Variants in ITPR2 observed in about 807,000 individuals in gnomAD.
ITPR2 encodes the protein inositol 1,4,5-trisphosphate-gated calcium channel ITPR2.
A neutral mutation model predicts 317.1 loss-of-function variants in ITPR2; 207 were observed. The observed-to-expected ratio is 0.65, with a 90% CI of 0.58 to 0.73. The LOEUF (loss-of-function observed/expected upper bound fraction) is 0.73, where lower values mean the gene tolerates loss of function less well. Ranked by LOEUF, ITPR2 falls within the 30% of genes least tolerant of loss-of-function variation. The pLI, the probability that ITPR2 is intolerant of heterozygous loss-of-function variation, is 0.00. For synonymous variants in ITPR2, 1,156 were observed against 1,149.1 expected, an observed-to-expected ratio of 1.01 and a Z score of -0.12; for missense variants, 2,613 against 3,284.0, an observed-to-expected ratio of 0.80 and a Z score of 4.99.
chr12:26,597,232 C>T (rs368791087), intron 30 of ITPR2, 98 bp from the exon 31 acceptor site: 9 of 1,288,130 alleles, frequency 7.0e-6, no homozygotes, highest in East Asian at 2.3e-5. Flanking sequence ...TATATCTCTT[C>T]GTAAAAACAT....
Position 26,715,776 on chromosome 12 carries a change from G to C in ITPR2, c.684C>G (p.Ser228=), listed in dbSNP as rs370340968. Residue 228 remains serine (S), a synonymous_variant, in exon 7 of 57, where the codon TCC becomes TCG. Coordinates refer to ENST00000381340, the MANE Select transcript of ITPR2 (RefSeq NM_002223.4). ...WKITLFMKYS[S]YREDVLKGGD... is the part of the protein sequence containing the mutation. ...CTCCTTTTAATACATCCTCTCGATA[G>C]GAACTATATTTCATGAATAAAGTGA... 3.1e-6 allele frequency: 5 copies of C among 1,606,514 alleles called. No homozygotes were observed. The African/African-American group carries it at 6.7e-5, about 22-fold the overall frequency.
chr12:26,633,016 G>T (rs1441817360), intron 21 of ITPR2, among the ~76,000 whole-genome samples: 1 of 152,150 alleles, frequency 6.6e-6, no homozygotes, highest in African/African-American at 2.4e-5. Flanking sequence ...TGCTTCGTGG[G>T]TGTTCATGGA....
intron 13 of ITPR2, among the ~76,000 whole-genome samples, chr12:26,674,569 G>A (rs949616361): frequency 5.9e-5 from 9 of 152,254 alleles, no homozygotes; most frequent in South Asian, 4.1e-4. Context: ...AGACATAAAC[G>A]TTAGACCTAA....
chr12:26,464,175 G>C lies in ITPR2; in HGVS notation c.6342+11121C>G, dbSNP rs1048542770. On this transcript the variant is annotated intron_variant, in intron 45 of 56. Coordinates refer to ENST00000381340, the MANE Select transcript of ITPR2 (RefSeq NM_002223.4). ...AATTTTTCCATGGACTGGGGCGTGG[G>C]GGGGAATGGTTTTGGGATGAATCAA... 2.5e-4 allele frequency among the ~76,000 whole-genome samples: 38 copies of C among 152,110 alleles called. 1 individual carries two copies. Among genetic ancestry groups the C allele is most frequent in the African/African-American group, 8.2e-4 (34 of 41,398 alleles).
chr12:26,441,837 C>T lies in ITPR2; in HGVS notation c.6450+1706G>A, dbSNP rs145034976. Among the ~76,000 whole-genome samples the T allele has an allele frequency of 3.7e-3, 570 of 152,218 alleles. 2 individuals are homozygous for T. Among genetic ancestry groups the T allele is most frequent in the African/African-American group, 0.013 (540 of 41,548 alleles). On this transcript the variant is annotated intron_variant, in intron 46 of 56. Transcript: ENST00000381340. ...TCAAACCAGTAGCCCAGAGGACATC[C>T]TTTTCCACACCATTTTCCTAACATG...
intron 39 of ITPR2, among the ~76,000 whole-genome samples, chr12:26,492,919 GTATATA>G (rs150335068): frequency 0.015 from 2,192 of 144,372 alleles, 36 homozygotes; most frequent in East Asian, 0.076. Flanking sequence ...GTGTGTGTGT[GTATATA>G]TATATATATA....
At chr12:26,604,020 T>C (rs185006109) in intron 26 of ITPR2, among the ~76,000 whole-genome samples, 18 of 152,298 alleles carry the variant, frequency 1.2e-4, no homozygotes, top group Admixed American at 1.0e-3. Flanking sequence ...GGGACCCTAG[T>C]TTAAGCTCAG....
chr12:26,340,485 C>T (rs1240457132), intron 55 of ITPR2, among the ~76,000 whole-genome samples, 157 bp from the exon 56 acceptor site: 1 of 152,210 alleles, frequency 6.6e-6, no homozygotes, highest in African/African-American at 2.4e-5. Flanking sequence ...AGGGCTTAGA[C>T]ACTGGTCTTC....
At chr12:26,789,841 C>A (rs1462551881) in intron 2 of ITPR2, among the ~76,000 whole-genome samples, 1 of 152,178 alleles carries the variant, frequency 6.6e-6, no homozygotes, top group Non-Finnish European at 1.5e-5. Context: ...TTATAACTGT[C>A]AGAGAAGTAT....
At chr12:26,799,448 A>T (rs1263549633) in intron 1 of ITPR2, among the ~76,000 whole-genome samples, 1 of 152,250 alleles carries the variant, frequency 6.6e-6, no homozygotes, top group African/African-American at 2.4e-5. Context: ...AAGCACTGCA[A>T]GAAGCCATCA....
intron 32 of ITPR2, among the ~76,000 whole-genome samples, chr12:26,588,793 A>G (rs1287165422): frequency 6.6e-6 from 1 of 152,216 alleles, no homozygotes; most frequent in Non-Finnish European, 1.5e-5. Flanking sequence ...GACTGATGGG[A>G]TACTGACATG....
chr12:26,658,770 T>C (rs1248418192), intron 16 of ITPR2, among the ~76,000 whole-genome samples: 1 of 152,196 alleles, frequency 6.6e-6, no homozygotes, highest in Non-Finnish European at 1.5e-5. Flanking sequence ...TTTTCTCATC[T>C]CTAAAATGGG....
chr12:26,667,180 C>G (rs903669632), intron 13 of ITPR2, among the ~76,000 whole-genome samples: 1 of 152,118 alleles, frequency 6.6e-6, no homozygotes, highest in African/African-American at 2.4e-5. Flanking sequence ...TCAACAATTC[C>G]AGGAAAGTAT....
intron 34 of ITPR2, among the ~76,000 whole-genome samples, chr12:26,572,349 C>T (rs1011167660): frequency 6.6e-6 from 1 of 152,070 alleles, no homozygotes; most frequent in African/African-American, 2.4e-5. Flanking sequence ...CTGAAATGGG[C>T]CTTATCCAAG....
chr12:26,540,101 C>T (rs1024774505), intron 37 of ITPR2, among the ~76,000 whole-genome samples: 1 of 152,186 alleles, frequency 6.6e-6, no homozygotes, highest in Non-Finnish European at 1.5e-5. Context: ...ATCCAGTACT[C>T]TACCCTCCTA....
chr12:26,363,852 G>T (rs753492907), intron 55 of ITPR2, among the ~76,000 whole-genome samples: 1 of 152,150 alleles, frequency 6.6e-6, no homozygotes, highest in Admixed American at 6.5e-5. Flanking sequence ...CTCGACTCAT[G>T]ATAAAGGAAA....
chr12:26,680,322 T>G (rs535635276), intron 13 of ITPR2, among the ~76,000 whole-genome samples: 1 of 152,188 alleles, frequency 6.6e-6, no homozygotes, highest in Non-Finnish European at 1.5e-5. Context: ...ATTACACATA[T>G]GTCCCACATT....
At chr12:26,652,286 ATG>A (rs1280654238) in intron 21 of ITPR2, among the ~76,000 whole-genome samples, 2 of 152,222 alleles carry the variant, frequency 1.3e-5, no homozygotes, top group African/African-American at 4.8e-5. Flanking sequence ...GCTTCTAGTT[ATG>A]CTGAAGGTGA....
intron 32 of ITPR2, among the ~76,000 whole-genome samples, chr12:26,594,614 T>C (rs923027480): frequency 6.6e-6 from 1 of 152,142 alleles, no homozygotes; most frequent in African/African-American, 2.4e-5. Flanking sequence ...TCATTCATAA[T>C]AGGTCTAAGG....
Sources: gnomAD v4.1 joint callset for allele counts (sites outside exome capture counted in the v4.1 genomes callset) on GRCh38, gnomAD v4.1.1 for gene constraint, MANE v1.5 for transcripts, NCBI Gene and HGNC (gene_info 2026-07-23, HGNC 2026-07-21) for gene names.